Variants in TRAP1 observed in about 807,000 individuals in gnomAD.
The protein encoded by TRAP1 is heat shock protein 75 kDa, mitochondrial.
In TRAP1, 102 loss-of-function variants were observed where a neutral mutation model predicts 89.1. The observed-to-expected ratio is 1.15, with a 90% CI of 0.98 to 1.35. The LOEUF is 1.35. Among genes scored for constraint, TRAP1 ranks in the 40% most tolerant of loss-of-function variants. The probability of loss-of-function intolerance (pLI) is 0.00; values close to 1 mark genes in which losing one functional copy is unlikely to be tolerated. For missense variants in TRAP1, 1,256 were observed against 945.3 expected, an observed-to-expected ratio of 1.33 and a Z score of -4.31; for synonymous variants, 508 against 388.0, an observed-to-expected ratio of 1.31 and a Z score of -3.64.
intron 1 of TRAP1, among the ~76,000 whole-genome samples, chr16:3,703,043 GA>G (rs36093237): frequency 0.011 from 477 of 43,458 alleles, 2 homozygotes; most frequent in East Asian, 0.057. Flanking sequence ...ACTCCGTCTT[GA>G]AAAAAAAAAA....
chr16:3,708,623 C>T lies in TRAP1; in HGVS notation c.88+8798G>A, dbSNP rs568699076. 2.8e-4 allele frequency among the ~76,000 whole-genome samples: 42 copies of T among 149,940 alleles called. 1 individual carries two copies. In the South Asian group the frequency reaches 7.2e-3, roughly 26 times the overall value. On this transcript the variant is annotated intron_variant, in intron 1 of 17. Transcript: ENST00000246957. The stretch of plus-strand genomic sequence containing the variant: ...CTGCACTCCAGCCTGGGCGACGGAG[C>T]GAGACTCCATCTCAAAATAAATAAA...
intron 1 of TRAP1, among the ~76,000 whole-genome samples, chr16:3,710,132 T>G (rs954271402): frequency 6.6e-6 from 1 of 152,158 alleles, no homozygotes; most frequent in Admixed American, 6.6e-5. Flanking sequence ...GAAACATAAC[T>G]CCTTGAACAT....
intron 1 of TRAP1, among the ~76,000 whole-genome samples, chr16:3,706,984 A>C (rs889025161): frequency 5.9e-5 from 9 of 151,932 alleles, no homozygotes; most frequent in African/African-American, 2.2e-4. Flanking sequence ...TTACATTCTC[A>C]CCAGCAGTGT....
At chr16:3,714,355 C>T (rs1193094288) in intron 1 of TRAP1, among the ~76,000 whole-genome samples, 1 of 152,176 alleles carries the variant, frequency 6.6e-6, no homozygotes, top group Admixed American at 6.5e-5. Flanking sequence ...CTAGCCCACC[C>T]CTCACAGAAA....
intron 1 of TRAP1, among the ~76,000 whole-genome samples, chr16:3,703,749 C>T (rs920972324): frequency 6.6e-6 from 1 of 152,042 alleles, no homozygotes; most frequent in African/African-American, 2.4e-5. Flanking sequence ...GGCGCGGTGG[C>T]TTACGCCTGT....
In TRAP1 at chr16:3,672,770, C is replaced by T. The variant is rs766711212; in HGVS notation, c.1095G>A (p.Leu365=). 20 of 1,612,442 alleles carry T rather than the reference C, an allele frequency of 1.2e-5. No homozygotes were observed. Among genetic ancestry groups the T allele is most frequent in the Admixed American group, 1.7e-5 (1 of 59,788 alleles). ...VSRELGSSVA[L]YSRKVLIQTK... is the part of the protein sequence containing the mutation. Reference sequence around the variant, plus strand: ...TCTGGATGAGGACTTTGCGGCTGTACAGTGCAACGCTGGAGCCCAGCTCCC... The same window carrying T: ...TCTGGATGAGGACTTTGCGGCTGTATAGTGCAACGCTGGAGCCCAGCTCCC... Residue 365 remains leucine, a synonymous_variant, in exon 10 of 18, where the codon CTG becomes CTA. Transcript: ENST00000246957.
chr16:3,700,473 G>A (rs2151277273), intron 1 of TRAP1, among the ~76,000 whole-genome samples: 1 of 148,904 alleles, frequency 6.7e-6, no homozygotes, highest in East Asian at 2.0e-4. Flanking sequence ...AGACTTTTTT[G>A]TTTGTTTGTT....
chr16:3,672,067 G>T (rs565487459), intron 10 of TRAP1, among the ~76,000 whole-genome samples: 1 of 152,360 alleles, frequency 6.6e-6, no homozygotes, highest in South Asian at 2.1e-4. Context: ...GCTGGGCACA[G>T]TGTCTGACGC....
chr16:3,695,405 C>T lies in TRAP1; in HGVS notation c.89-4420G>A, dbSNP rs898104940. 2.6e-5 allele frequency among the ~76,000 whole-genome samples: 4 copies of T among 151,814 alleles called. No homozygotes were observed. The East Asian group carries it at 5.8e-4, about 22-fold the overall frequency. On this transcript the variant is annotated intron_variant, in intron 1 of 17. Coordinates refer to ENST00000246957, the MANE Select transcript of TRAP1 (RefSeq NM_016292.3). Reference sequence around the variant, plus strand: ...ACCATTACTTAGCCAGACGTGGTGGCGCACTTCTAGTTATCAGCTACTCGG... The same window carrying T: ...ACCATTACTTAGCCAGACGTGGTGGTGCACTTCTAGTTATCAGCTACTCGG...
At chr16:3,676,946 C>A (rs180980331) in intron 6 of TRAP1, 1 of 154,238 alleles carries the variant, frequency 6.5e-6, no homozygotes, top group Non-Finnish European at 1.4e-5. Context: ...CCCAGCTACT[C>A]AGGAGGCTGA....
intron 11 of TRAP1, among the ~76,000 whole-genome samples, chr16:3,666,764 G>T (rs1433615753): frequency 6.6e-6 from 1 of 152,092 alleles, no homozygotes; most frequent in Admixed American, 6.5e-5. Context: ...ACTGTAATTT[G>T]GGATTTATAC....
intron 1 of TRAP1, among the ~76,000 whole-genome samples, chr16:3,696,107 T>G (rs1317996278): frequency 2.0e-5 from 3 of 152,140 alleles, no homozygotes; most frequent in Non-Finnish European, 4.4e-5. Flanking sequence ...CTGTTCCAGT[T>G]TCAGCACTCT....
intron 1 of TRAP1, 179 bp from the exon 2 acceptor site, chr16:3,691,164 G>C (rs1192311945): frequency 4.0e-6 from 2 of 504,042 alleles, no homozygotes; most frequent in Non-Finnish European, 6.6e-6. Context: ...TTTTGGCAAG[G>C]AGCCCTCACA....
intron 1 of TRAP1, among the ~76,000 whole-genome samples, chr16:3,704,824 G>C (rs926894674): frequency 4.5e-4 from 68 of 152,180 alleles, no homozygotes; most frequent in African/African-American, 1.5e-3. Flanking sequence ...GACCAGCCTG[G>C]GCAACATAGC....
intron 8 of TRAP1, 118 bp downstream of exon 8, chr16:3,675,206 G>C (rs939339210): frequency 2.1e-6 from 2 of 943,386 alleles, no homozygotes; most frequent in African/African-American, 3.2e-5. Context: ...CATCTCCACA[G>C]AGCAGCTCGC....
intron 13 of TRAP1, 138 bp downstream of exon 13, chr16:3,664,136 C>A (rs1172408138): frequency 3.4e-6 from 3 of 892,990 alleles, no homozygotes; most frequent in African/African-American, 3.4e-5. Context: ...GTCGGTCCGG[C>A]CTCTGTGCCC....
At chr16:3,707,055 G>C (rs1203169871) in intron 1 of TRAP1, among the ~76,000 whole-genome samples, 1 of 151,464 alleles carries the variant, frequency 6.6e-6, no homozygotes, top group African/African-American at 2.4e-5. Context: ...TTTTTTTGTT[G>C]TTGTTTCTTT....
chr16:3,707,931 T>C (rs1289407719), intron 1 of TRAP1, among the ~76,000 whole-genome samples: 5 of 150,148 alleles, frequency 3.3e-5, no homozygotes, highest in East Asian at 2.0e-4. Flanking sequence ...CTGCGTGTAA[T>C]CCCAGTACTT....
chr16:3,716,552 G>C (rs1180815800), intron 1 of TRAP1, among the ~76,000 whole-genome samples: 1 of 152,210 alleles, frequency 6.6e-6, no homozygotes, highest in Non-Finnish European at 1.5e-5. Context: ...GACATGAAAA[G>C]ATGTGGAAAG....
Sources: allele counts gnomAD v4.1 joint callset (sites outside exome capture counted in the v4.1 genomes callset), GRCh38; gene constraint gnomAD v4.1.1; transcripts MANE v1.5; gene names NCBI Gene and HGNC (gene_info 2026-07-23, HGNC 2026-07-21).